RALGAPA1: variants seen among roughly 807,000 people sequenced by gnomAD.
RALGAPA1 encodes ral GTPase-activating protein subunit alpha-1.
A neutral mutation model predicts 269.6 loss-of-function variants in RALGAPA1; 52 were observed. The ratio of observed to expected loss-of-function variants is 0.19; its 90% confidence interval spans 0.15 to 0.24. RALGAPA1 has a LOEUF of 0.24. Among genes scored for constraint, RALGAPA1 ranks in the 10% least tolerant of loss-of-function variants. The pLI, the probability that RALGAPA1 is intolerant of heterozygous loss-of-function variation, is 1.00. For missense variants in RALGAPA1, 1,917 were observed against 3,013.9 expected (o/e 0.64, Z 8.52); for synonymous variants, 817 against 1,008.3 (o/e 0.81, Z 3.60).
chr14:35,598,224 T>C (rs1433771569), intron 36 of RALGAPA1, among the ~76,000 whole-genome samples: 1 of 152,162 alleles, frequency 6.6e-6, no homozygotes, highest in African/African-American at 2.4e-5. Context: ...TTAGCATTGC[T>C]ATGTCTTCTT....
intron 1 of RALGAPA1, among the ~76,000 whole-genome samples, chr14:35,799,890 A>G (rs2076852620): frequency 6.6e-6 from 1 of 152,236 alleles, no homozygotes; most frequent in Non-Finnish European, 1.5e-5. Flanking sequence ...GATTTAAAAG[A>G]TGGGAATATA....
intron 16 of RALGAPA1, among the ~76,000 whole-genome samples, chr14:35,703,975 T>G (rs2067582978): frequency 6.6e-6 from 1 of 152,110 alleles, no homozygotes; most frequent in Non-Finnish European, 1.5e-5. Context: ...GCAAATGTGA[T>G]GGACCCTTAA....
At chr14:35,747,496 G>A (rs1283877976) in intron 10 of RALGAPA1, among the ~76,000 whole-genome samples, 1 of 152,166 alleles carries the variant, frequency 6.6e-6, no homozygotes, top group Non-Finnish European at 1.5e-5. Flanking sequence ...AAATGAAAAT[G>A]AGTTTGTTTC....
intron 36 of RALGAPA1, among the ~76,000 whole-genome samples, chr14:35,605,361 G>C (rs1442825436): frequency 6.6e-6 from 1 of 152,056 alleles, no homozygotes; most frequent in East Asian, 1.9e-4. Context: ...TATGAGTTTA[G>C]TACTCTTTCA....
At chr14:35,748,402 T>G in intron 10 of RALGAPA1, 183 bp downstream of exon 10, 1 of 394,166 alleles carries the variant, frequency 2.5e-6, no homozygotes. Context: ...TTTTAAGAGA[T>G]GCGGTCTCTC....
intron 5 of RALGAPA1, 67 bp downstream of exon 5, chr14:35,762,643 T>C (rs2073823800): frequency 1.1e-6 from 1 of 885,066 alleles, no homozygotes; most frequent in Admixed American, 1.8e-5. Flanking sequence ...GTAGGAAAAG[T>C]GTTAACAGGT....
chr14:35,655,996 T>C, intron 28 of RALGAPA1, 81 bp from the exon 29 acceptor site: 2 of 1,599,972 alleles, frequency 1.3e-6, no homozygotes, highest in Non-Finnish European at 1.7e-6. Context: ...TGACACAGAA[T>C]GAACATGCAC....
chr14:35,689,252 G>A lies in RALGAPA1; in HGVS notation c.3159C>T (p.Ser1053=). 8.1e-7 allele frequency: 1 copy of A among 1,232,210 alleles called. No homozygotes were observed. The highest frequency in any genetic ancestry group is 3.1e-4 in the Middle Eastern group (1 of 3,208). The allele number at this position is 1,232,210 out of a possible 1,614,324, so 76.3% of individuals were successfully genotyped here. The change falls in exon 18 of 42, where the codon AGC becomes AGT. Residue 1053 remains serine (S), a synonymous_variant. Coordinates refer to ENST00000680220, the MANE Select transcript of RALGAPA1 (RefSeq NM_001346249.2). ...DKQPSEPSLD[S]PCDKEKRKHL... ...GTTTCCTTTTTTCTTTATCACAAGGGCTATCTAAACTAGGCTCTGATGGCT... is the reference window on the plus strand; with the variant it reads ...GTTTCCTTTTTTCTTTATCACAAGGACTATCTAAACTAGGCTCTGATGGCT...
intron 34 of RALGAPA1, among the ~76,000 whole-genome samples, chr14:35,626,672 A>G (rs1431309560): frequency 6.6e-6 from 1 of 152,146 alleles, no homozygotes; most frequent in African/African-American, 2.4e-5. Context: ...TAAGTTTTTA[A>G]TAAGGTTTTG....
intron 28 of RALGAPA1, 64 bp from the exon 29 acceptor site, chr14:35,655,979 A>G (rs1163247453): frequency 1.9e-6 from 3 of 1,607,348 alleles, no homozygotes; most frequent in African/African-American, 2.7e-5. Context: ...CATGACCCAC[A>G]ATCAACTGAC....
intron 35 of RALGAPA1, among the ~76,000 whole-genome samples, chr14:35,616,331 A>G (rs1266554928): frequency 6.6e-6 from 1 of 152,202 alleles, no homozygotes; most frequent in African/African-American, 2.4e-5. Context: ...TGGAATAATT[A>G]GAGAATTAGG....
chr14:35,565,124 C>G (rs1295707881), intron 39 of RALGAPA1, among the ~76,000 whole-genome samples: 1 of 151,896 alleles, frequency 6.6e-6, no homozygotes, highest in African/African-American at 2.4e-5. Flanking sequence ...AATTCTATTT[C>G]TTGACTTGTT....
intron 17 of RALGAPA1, 54 bp downstream of exon 17, chr14:35,700,108 C>A: frequency 1.4e-6 from 2 of 1,450,888 alleles, no homozygotes; most frequent in South Asian, 1.4e-5. Context: ...AATTTGAAAG[C>A]AGAGGATTAA....
intron 39 of RALGAPA1, among the ~76,000 whole-genome samples, chr14:35,560,796 C>T (rs1011476858): frequency 5.3e-5 from 8 of 152,052 alleles, no homozygotes; most frequent in Admixed American, 4.6e-4. Flanking sequence ...AGAGACAATG[C>T]TATTTTCAGA....
rs1254978218 is a variant in RALGAPA1, at chr14:35,572,580, G to T, written c.7348C>A (p.Gln2450Lys). ...CTTACCTCTGGTTTTTTCATTATCTGAATACTGAACATGTGATTTTTCATT... is the reference window on the plus strand; with the variant it reads ...CTTACCTCTGGTTTTTTCATTATCTTAATACTGAACATGTGATTTTTCATT... The part of the protein sequence containing the change: ...YPMKNHMFSI[Q>K]IMKKPEVPFF... The change falls in exon 38 of 42, where the codon CAG becomes AAG. Residue 2450 changes from glutamine (Q) to lysine (K), a missense_variant. Physicochemically the swap from Gln to Lys is moderately conservative, Grantham distance 53. Transcript: ENST00000680220. The T allele has an allele frequency of 6.2e-7, 1 of 1,600,272 alleles. No individual in the cohort carries two copies. The highest frequency in any genetic ancestry group is 1.7e-5 in the Admixed American group (1 of 57,774).
In RALGAPA1 at chr14:35,786,950, A is replaced by G. The variant is rs182247237; in HGVS notation, c.107-11205T>C. Among the ~76,000 whole-genome samples, 173 of 152,316 alleles carry G rather than the reference A, an allele frequency of 1.1e-3. 2 individuals carry two copies. The highest frequency in any genetic ancestry group is 3.9e-3 in the African/African-American group (164 of 41,564). ...GAAAACCCAATCATCATGCTTATGAACTACAAAAGGCTCTCTTCCTTCACT... is the reference window on the plus strand; with the variant it reads ...GAAAACCCAATCATCATGCTTATGAGCTACAAAAGGCTCTCTTCCTTCACT... On this transcript the variant is annotated intron_variant, in intron 1 of 41. Coordinates refer to ENST00000680220, the MANE Select transcript of RALGAPA1 (RefSeq NM_001346249.2).
chr14:35,554,338 CTTTTTTTTTTTT>C (rs869302363), intron 39 of RALGAPA1, among the ~76,000 whole-genome samples: 5 of 85,764 alleles, frequency 5.8e-5, no homozygotes, highest in Admixed American at 1.2e-4. Context: ...AATACACTTT[CTTTTTTTTTTTT>C]TTTTTTTTTT....
chr14:35,541,768 G>A (rs974032797), intron 41 of RALGAPA1: 4 of 456,946 alleles, frequency 8.8e-6, no homozygotes, highest in African/African-American at 8.0e-5. Flanking sequence ...TTCTAGCGGA[G>A]GTTTTGGGAG....
At chr14:35,778,243 G>C (rs1385486318) in intron 1 of RALGAPA1, among the ~76,000 whole-genome samples, 3 of 152,082 alleles carry the variant, frequency 2.0e-5, no homozygotes, top group African/African-American at 7.2e-5. Flanking sequence ...TAGAGATGGG[G>C]TCTTGTTATG....
Sources: allele counts gnomAD v4.1 joint callset (sites outside exome capture counted in the v4.1 genomes callset), GRCh38; gene constraint gnomAD v4.1.1; transcripts MANE v1.5; gene names NCBI Gene and HGNC (gene_info 2026-07-23, HGNC 2026-07-21).